SUCO: variants seen among roughly 807,000 people sequenced by gnomAD.
SUCO encodes SUN domain-containing ossification factor.
A neutral mutation model predicts 148.1 loss-of-function variants in SUCO; 57 were observed. The observed-to-expected ratio is 0.38, with a 90% confidence interval of 0.31 to 0.48. The LOEUF is 0.48. Among genes scored for constraint, SUCO ranks in the 20% least tolerant of loss-of-function variants. SUCO has a pLI of 0.96. For synonymous variants in SUCO, 470 were observed against 502.7 expected (o/e 0.93, Z 0.87); for missense variants, 1,331 against 1,468.2 (o/e 0.91, Z 1.53).
chr1:172,605,757 A>G (rs754779948), intron 22 of SUCO, among the ~76,000 whole-genome samples: 5 of 151,848 alleles, frequency 3.3e-5, no homozygotes, highest in Non-Finnish European at 7.4e-5. Flanking sequence ...TATACTGAGA[A>G]CAAAGACAGT....
At position 172,589,746 on chromosome 1, in the gene SUCO, G is replaced by A. The variant is rs147589150; in HGVS notation, c.2645G>A (p.Arg882Lys). The change falls in exon 18 of 24, where the codon AGG (arginine) becomes AAG (lysine). Residue 882 changes from arginine to lysine, a missense_variant. Arg to Lys is a conservative substitution (Grantham distance 26). Coordinates refer to ENST00000263688, the MANE Select transcript of SUCO (RefSeq NM_014283.5). ...PEDALLRGLQ[R>K]TATDFYAELQ... ...GATGCCCTTTTGAGAGGGTTACAGA[G>A]GACAGCTACAGATTTTTATGCTGAA... is the stretch of plus-strand genomic sequence containing the variant. 17 of 1,612,220 alleles carry A rather than the reference G, an allele frequency of 1.1e-5. No individual in the cohort carries two copies. In the African/African-American group the frequency reaches 1.9e-4, roughly 18 times the overall value.
chr1:172,556,439 GATA>G (rs372899390), intron 4 of SUCO, among the ~76,000 whole-genome samples: 27 of 152,096 alleles, frequency 1.8e-4, no homozygotes, highest in African/African-American at 6.5e-4. Context: ...TTTCAAACTC[GATA>G]ATAAATATTC....
At chr1:172,571,230 C>T (rs891131799) in intron 9 of SUCO, among the ~76,000 whole-genome samples, 1 of 152,250 alleles carries the variant, frequency 6.6e-6, no homozygotes, top group African/African-American at 2.4e-5. Context: ...GACTGGTTTT[C>T]GTATTTTTTT....
At chr1:172,602,660 C>A (rs369381478) in intron 21 of SUCO, 36 bp from the exon 22 acceptor site, 2 of 1,604,400 alleles carry the variant, frequency 1.2e-6, no homozygotes, top group East Asian at 4.5e-5. Context: ...GTGCTTTACT[C>A]GTTGTAACCA....
chr1:172,609,935 T>G lies in SUCO; in HGVS notation c.3441T>G (p.Phe1147Leu). 1 of 1,613,952 alleles carries G rather than the reference T, an allele frequency of 6.2e-7. No homozygotes were observed. The highest frequency in any genetic ancestry group is 8.5e-7 in the Non-Finnish European group (1 of 1,179,864). Residue 1147 changes from phenylalanine (F) to leucine (L), a missense_variant, in exon 24 of 24, where the codon TTT (phenylalanine) becomes TTG (leucine). Transcript: ENST00000263688. ...AGCCCTTTACGAACCAGAGAGATTTTTCTAATATGGGAGAAGTTTATCACT... is the reference window on the plus strand; with the variant it reads ...AGCCCTTTACGAACCAGAGAGATTTGTCTAATATGGGAGAAGTTTATCACT... ...GRKPFTNQRD[F>L]SNMGEVYHSS...
At chr1:172,587,111 A>AAAT (rs1656298089) in intron 17 of SUCO, among the ~76,000 whole-genome samples, 2 of 96,226 alleles carry the variant, frequency 2.1e-5, no homozygotes, top group African/African-American at 9.7e-5. Context: ...ATATGTGCAC[A>AAAT]AGTAGGAATA....
intron 6 of SUCO, among the ~76,000 whole-genome samples, chr1:172,558,728 C>T (rs924460058): frequency 1.3e-5 from 2 of 152,184 alleles, no homozygotes; most frequent in African/African-American, 4.8e-5. Context: ...CCAAATCACG[C>T]ATATGTTAAA....
At chr1:172,550,450 T>C (rs974379984) in intron 1 of SUCO, among the ~76,000 whole-genome samples, 1 of 152,026 alleles carries the variant, frequency 6.6e-6, no homozygotes, top group African/African-American at 2.4e-5. Flanking sequence ...AATTTTATAC[T>C]TGGGAATATA....
intron 6 of SUCO, among the ~76,000 whole-genome samples, chr1:172,562,907 G>C (rs758869512): frequency 1.3e-5 from 2 of 152,082 alleles, no homozygotes; most frequent in Non-Finnish European, 2.9e-5. Flanking sequence ...TCCCCTTGCT[G>C]TTCTTGTGAT....
At chr1:172,538,432 A>G (rs1652187830) in intron 1 of SUCO, among the ~76,000 whole-genome samples, 1 of 152,194 alleles carries the variant, frequency 6.6e-6, no homozygotes. Context: ...TTTAAAAACT[A>G]GAACAATATA....
intron 6 of SUCO, among the ~76,000 whole-genome samples, chr1:172,562,621 C>T (rs1327407307): frequency 2.6e-5 from 4 of 152,192 alleles, no homozygotes; most frequent in Non-Finnish European, 4.4e-5. Context: ...CAGGTGTGAG[C>T]CAGTGCACCC....
At chr1:172,596,780 C>A (rs549906048) in intron 19 of SUCO, among the ~76,000 whole-genome samples, 1 of 152,336 alleles carries the variant, frequency 6.6e-6, no homozygotes, top group African/African-American at 2.4e-5. Flanking sequence ...AGATCTCAAA[C>A]TCCATGCTTG....
In SUCO at chr1:172,590,987, C is replaced by T. The variant is rs774288666; in HGVS notation, c.2829C>T (p.Tyr943=). The T allele has an allele frequency of 6.0e-5, 97 of 1,609,308 alleles. No homozygotes were observed. Among genetic ancestry groups the T allele is most frequent in the Non-Finnish European group, 7.9e-5 (93 of 1,177,242 alleles). ...TAGACCAATTCTTACTTCATAGGTACCGAAAACAAATGGAAGAAATGCAAA... is the reference window on the plus strand; with the variant it reads ...TAGACCAATTCTTACTTCATAGGTATCGAAAACAAATGGAAGAAATGCAAA... ...GRYLEELSQR[Y]RKQMEEMQKA... Residue 943 remains tyrosine, a synonymous_variant, in exon 19 of 24, where the codon TAC becomes TAT. Coordinates refer to ENST00000263688, the MANE Select transcript of SUCO (RefSeq NM_014283.5).
At chr1:172,549,892 A>AG (rs1653156252) in intron 1 of SUCO, among the ~76,000 whole-genome samples, 1 of 2,798 alleles carries the variant, frequency 3.6e-4, no homozygotes, top group African/African-American at 3.8e-4. Flanking sequence ...TCCTTCAGGG[A>AG]AAAAAAAAAA....
chr1:172,588,149 A>G, intron 17 of SUCO: 1 of 985,246 alleles, frequency 1.0e-6, no homozygotes, highest in Non-Finnish European at 1.2e-6. Context: ...TCCTTAAAGT[A>G]GATAATCCTA....
intron 19 of SUCO, among the ~76,000 whole-genome samples, chr1:172,597,378 G>A (rs973207184): frequency 2.6e-5 from 4 of 152,250 alleles, no homozygotes; most frequent in Non-Finnish European, 4.4e-5. Context: ...GCTGGGGGCT[G>A]TAGACTGGAG....
rs1571227892 is a variant in SUCO, at chr1:172,570,348, A to G, written c.981+177A>G. 6.0e-6 allele frequency: 3 copies of G among 496,314 alleles called. No individual in the cohort carries two copies. In the South Asian group the frequency reaches 1.3e-4, roughly 21 times the overall value. The allele number at this position is 496,314 out of a possible 1,614,324, so 30.7% of individuals were successfully genotyped here. ...TATGAATTCTTACTTATATTGGCTG[A>G]TGTATTTTGCCCTGCATTTTTTAAC... On this transcript the variant is annotated intron_variant, in intron 8 of 23. Transcript: ENST00000263688.
intron 22 of SUCO, chr1:172,608,022 A>T (rs1657970059): frequency 1.1e-6 from 1 of 932,306 alleles, no homozygotes; most frequent in Admixed American, 6.2e-5. Flanking sequence ...ATAGCCTTTT[A>T]AAAATGTGTG....
intron 6 of SUCO, among the ~76,000 whole-genome samples, chr1:172,558,736 A>G (rs1408502562): frequency 6.6e-6 from 1 of 152,220 alleles, no homozygotes; most frequent in Admixed American, 6.5e-5. Flanking sequence ...CGCATATGTT[A>G]AAGTTTAGTT....
Sources: gnomAD v4.1 joint callset for allele counts (sites outside exome capture counted in the v4.1 genomes callset) on GRCh38, gnomAD v4.1.1 for gene constraint, MANE v1.5 for transcripts, NCBI Gene and HGNC (gene_info 2026-07-23, HGNC 2026-07-21) for gene names.